GRIP1: variants seen among roughly 807,000 people sequenced by gnomAD.
GRIP1 encodes glutamate receptor-interacting protein 1.
A neutral mutation model predicts 129.9 loss-of-function variants in GRIP1; 45 were observed. The observed-to-expected ratio is 0.35, with a 90% confidence interval of 0.27 to 0.44. The LOEUF is 0.44. GRIP1 is among the 20% of genes least tolerant of loss of function. The pLI, the probability that GRIP1 is intolerant of heterozygous loss-of-function variation, is 1.00. For missense variants in GRIP1, 1,196 were observed against 1,396.8 expected, an observed-to-expected ratio of 0.86 and a Z score of 2.29; for synonymous variants, 530 against 520.8, an observed-to-expected ratio of 1.02 and a Z score of -0.24.
At chr12:66,380,627 T>C (rs1040913741) in intron 19 of GRIP1, among the ~76,000 whole-genome samples, 1 of 152,252 alleles carries the variant, frequency 6.6e-6, no homozygotes, top group Non-Finnish European at 1.5e-5. Context: ...AAAGCATTTT[T>C]ACAACAAACT....
At chr12:66,607,946 G>A (rs555102003) in intron 1 of GRIP1, among the ~76,000 whole-genome samples, 60 of 152,186 alleles carry the variant, frequency 3.9e-4, no homozygotes, top group African/African-American at 1.4e-3. Context: ...TTAAGCTCAA[G>A]TCCTAAGAGC....
chr12:66,712,995 A>G (rs1375331154), intron 1 of GRIP1, among the ~76,000 whole-genome samples: 2 of 152,024 alleles, frequency 1.3e-5, no homozygotes, highest in Non-Finnish European at 2.9e-5. Flanking sequence ...AAGCATGATG[A>G]GTGAACATGA....
At chr12:66,780,220 A>G (rs1165974142) in intron 1 of GRIP1, among the ~76,000 whole-genome samples, 1 of 152,200 alleles carries the variant, frequency 6.6e-6, no homozygotes, top group Non-Finnish European at 1.5e-5. Flanking sequence ...TACCAAGAAG[A>G]GCAGGAATCA....
chr12:66,938,499 T>C (rs2041524634), intron 1 of GRIP1, among the ~76,000 whole-genome samples: 1 of 152,202 alleles, frequency 6.6e-6, no homozygotes, highest in Non-Finnish European at 1.5e-5. Context: ...AAGTGACATA[T>C]GGAGGCCAGA....
chr12:66,697,857 G>T (rs990537791), intron 1 of GRIP1, among the ~76,000 whole-genome samples: 1 of 152,076 alleles, frequency 6.6e-6, no homozygotes, highest in African/African-American at 2.4e-5. Context: ...TAGACAAATG[G>T]CTCTAATCAG....
intron 1 of GRIP1, chr12:66,626,599 T>C (rs1231718610): frequency 6.6e-6 from 1 of 152,246 alleles, no homozygotes; most frequent in East Asian, 1.9e-4. Flanking sequence ...TTTGCCCTGA[T>C]AAATGTGCTC....
intron 16 of GRIP1, 29 bp downstream of exon 16, chr12:66,406,254 T>C (rs2057186798): frequency 1.2e-6 from 2 of 1,612,186 alleles, no homozygotes; most frequent in African/African-American, 1.3e-5. Context: ...GTTCGAAAAA[T>C]CAGTTTTAAC....
At chr12:66,455,701 C>A in intron 10 of GRIP1, 137 bp from the exon 11 acceptor site, 1 of 758,898 alleles carries the variant, frequency 1.3e-6, no homozygotes, top group Non-Finnish European at 2.3e-6. Context: ...CAGCTAGAGG[C>A]CAGCTCTCAG....
intron 1 of GRIP1, among the ~76,000 whole-genome samples, chr12:66,722,351 C>T (rs1474602258): frequency 2.0e-5 from 3 of 152,012 alleles, no homozygotes; most frequent in South Asian, 4.2e-4. Flanking sequence ...ATAGGAAGGT[C>T]CCAGGAGAGG....
intron 1 of GRIP1, among the ~76,000 whole-genome samples, chr12:66,746,178 T>C (rs1006870457): frequency 1.3e-5 from 2 of 151,910 alleles, no homozygotes; most frequent in Non-Finnish European, 2.9e-5. Flanking sequence ...GTTTGAAAAA[T>C]AAAATAAAGC....
At chr12:67,023,727 C>G (rs1359226541) in intron 1 of GRIP1, among the ~76,000 whole-genome samples, 1 of 152,084 alleles carries the variant, frequency 6.6e-6, no homozygotes, top group Non-Finnish European at 1.5e-5. Flanking sequence ...CCACTCTCAC[C>G]CTTTCCTCCC....
intron 1 of GRIP1, among the ~76,000 whole-genome samples, chr12:66,760,682 C>G (rs780706912): frequency 3.3e-5 from 5 of 152,050 alleles, no homozygotes; most frequent in Non-Finnish European, 7.4e-5. Flanking sequence ...GGGACACAGC[C>G]AAACCCTATC....
chr12:66,856,453 A>G (rs938674052), intron 1 of GRIP1, among the ~76,000 whole-genome samples: 5 of 152,198 alleles, frequency 3.3e-5, no homozygotes, highest in African/African-American at 1.2e-4. Context: ...GAATGGGAGA[A>G]AATTTTTGCA....
intron 1 of GRIP1, among the ~76,000 whole-genome samples, chr12:66,908,761 T>C (rs1592945727): frequency 2.0e-5 from 3 of 152,180 alleles, no homozygotes; most frequent in Admixed American, 6.5e-5. Context: ...GTTTTGATGA[T>C]GGTAGCTGCA....
At chr12:66,976,101 C>G (rs1378464838) in intron 1 of GRIP1, among the ~76,000 whole-genome samples, 1 of 152,214 alleles carries the variant, frequency 6.6e-6, no homozygotes. Flanking sequence ...AACCCTGTAT[C>G]TGCCTTTGGT....
At chr12:66,773,977 ATC>A (rs1036835113) in intron 1 of GRIP1, among the ~76,000 whole-genome samples, 2 of 152,188 alleles carry the variant, frequency 1.3e-5, no homozygotes, top group Admixed American at 1.3e-4. Flanking sequence ...GCTGTGATTA[ATC>A]TCTGCATAGT....
chr12:66,479,632 G>A (rs995204765), intron 7 of GRIP1, among the ~76,000 whole-genome samples: 2 of 152,154 alleles, frequency 1.3e-5, no homozygotes, highest in Non-Finnish European at 2.9e-5. Flanking sequence ...GAAAATTTCA[G>A]TCCAGTATCC....
At chr12:66,544,085 G>A (rs10878447) in intron 2 of GRIP1, among the ~76,000 whole-genome samples, 14,102 of 152,110 alleles carry the variant, frequency 0.093, 750 homozygotes, top group East Asian at 0.24. Context: ...CTGGGCTTCC[G>A]GCTGAATCCT....
At chr12:66,749,182 A>T (rs1244287911) in intron 1 of GRIP1, among the ~76,000 whole-genome samples, 3 of 152,232 alleles carry the variant, frequency 2.0e-5, no homozygotes, top group African/African-American at 4.8e-5. Context: ...CTTCATTAGA[A>T]TGTGAACTAC....
Sources: allele counts gnomAD v4.1 joint callset (sites outside exome capture counted in the v4.1 genomes callset), GRCh38; gene constraint gnomAD v4.1.1; transcripts MANE v1.5; gene names NCBI Gene and HGNC (gene_info 2026-07-23, HGNC 2026-07-21).